The following ZC3H13 variants were observed in gnomAD, a reference collection of about 807,000 sequenced individuals.
The protein encoded by ZC3H13 is zinc finger CCCH-type containing 13.
In ZC3H13, 64 loss-of-function variants were observed where a neutral mutation model predicts 204.1. The observed-to-expected ratio is 0.31, with a 90% CI of 0.26 to 0.39. The LOEUF is 0.39. Among genes scored for constraint, ZC3H13 ranks in the 10% least tolerant of loss-of-function variants. The probability of loss-of-function intolerance (pLI) is 1.00; values close to 1 mark genes in which losing one functional copy is unlikely to be tolerated. For missense variants in ZC3H13, 1,833 were observed against 2,082.7 expected, an observed-to-expected ratio of 0.88 and a Z score of 2.33; for synonymous variants, 667 against 693.7, an observed-to-expected ratio of 0.96 and a Z score of 0.60.
intron 5 of ZC3H13, among the ~76,000 whole-genome samples, chr13:46,019,897 G>A (rs2042124247): frequency 6.6e-6 from 1 of 152,134 alleles, no homozygotes; most frequent in South Asian, 2.1e-4. Context: ...AGGCTAAGCT[G>A]CAGTGAGCCA....
intron 7 of ZC3H13, among the ~76,000 whole-genome samples, chr13:46,006,084 C>CAAA (rs71074745): frequency 6.9e-6 from 1 of 145,312 alleles, no homozygotes; most frequent in Non-Finnish European, 1.5e-5. Context: ...GACTCTGTCC[C>CAAA]AAAAAAAAAA....
At chr13:46,048,447 G>T (rs1356717833) in intron 1 of ZC3H13, among the ~76,000 whole-genome samples, 1 of 151,980 alleles carries the variant, frequency 6.6e-6, no homozygotes, top group Non-Finnish European at 1.5e-5. Flanking sequence ...CGGGCGTGGT[G>T]GCAGGCGCCT....
chr13:45,969,751 T>C lies in ZC3H13; in HGVS notation c.2793A>G (p.Arg931=). 6 of 1,613,938 alleles carry C rather than the reference T, an allele frequency of 3.7e-6. No homozygotes were observed. Among genetic ancestry groups the C allele is most frequent in the Non-Finnish European group, 5.1e-6 (6 of 1,180,024 alleles). ...GTCCTATAATGTCCTGTGCACGCAT[T>C]CTTGAGCTTTCCAGGATTTCTGTCT... is the stretch of plus-strand genomic sequence containing the variant. ...REQTEILESS[R]MRAQDIIGHH... is the part of the protein sequence containing the mutation. Residue 931 remains arginine (R), a synonymous_variant, in exon 14 of 19, where the codon AGA becomes AGG. Coordinates refer to ENST00000679008, the MANE Select transcript of ZC3H13 (RefSeq NM_001330564.2).
At chr13:45,970,059 C>T in intron 13 of ZC3H13, 88 bp from the exon 14 acceptor site, 7 of 1,472,498 alleles carry the variant, frequency 4.8e-6, no homozygotes, top group Non-Finnish European at 6.3e-6. Flanking sequence ...CTCCTCACAC[C>T]TGTAATCCCA....
intron 12 of ZC3H13, among the ~76,000 whole-genome samples, chr13:45,971,045 G>A (rs1264759174): frequency 6.6e-6 from 1 of 152,154 alleles, no homozygotes; most frequent in South Asian, 2.1e-4. Flanking sequence ...GAATAAATTA[G>A]TTATGTCATA....
At chr13:45,999,487 G>A (rs151196759) in intron 8 of ZC3H13, among the ~76,000 whole-genome samples, 2 of 152,204 alleles carry the variant, frequency 1.3e-5, no homozygotes, top group East Asian at 3.8e-4. Context: ...TCCATATGAT[G>A]CAACTCCTCA....
chr13:46,012,292 A>C (rs2041619441), intron 5 of ZC3H13, among the ~76,000 whole-genome samples: 1 of 152,064 alleles, frequency 6.6e-6, no homozygotes, highest in African/African-American at 2.4e-5. Context: ...AGTTGCTGGC[A>C]CTAGCACCCA....
intron 7 of ZC3H13, among the ~76,000 whole-genome samples, chr13:46,004,869 T>C (rs192177466): frequency 6.8e-4 from 103 of 152,286 alleles, no homozygotes; most frequent in African/African-American, 2.4e-3. Flanking sequence ...GGGGTACAAA[T>C]TTTGTTCTTT....
At chr13:45,959,263 G>A (rs894597869) in intron 18 of ZC3H13, among the ~76,000 whole-genome samples, 1 of 151,948 alleles carries the variant, frequency 6.6e-6, no homozygotes, top group African/African-American at 2.4e-5. Flanking sequence ...TAACAGAAAT[G>A]GAATATTTTA....
At chr13:45,973,311 C>T (rs1952741667) in intron 12 of ZC3H13, among the ~76,000 whole-genome samples, 1 of 152,166 alleles carries the variant, frequency 6.6e-6, no homozygotes, top group African/African-American at 2.4e-5. Context: ...AATTGAACTA[C>T]TGAGATGACA....
chr13:46,011,614 TAC>T (rs1373181856), intron 5 of ZC3H13, 60 bp from the exon 6 acceptor site: 38 of 1,366,488 alleles, frequency 2.8e-5, no homozygotes, highest in Non-Finnish European at 3.4e-5. Context: ...CCAAAAATCA[TAC>T]AGACTTTTTT....
At chr13:46,008,524 C>G (rs1328305597) in intron 7 of ZC3H13, among the ~76,000 whole-genome samples, 1 of 152,078 alleles carries the variant, frequency 6.6e-6, no homozygotes, top group African/African-American at 2.4e-5. Flanking sequence ...GGATGTGTTA[C>G]TAATAAAGAA....
chr13:46,007,794 C>T (rs1024179407), intron 7 of ZC3H13, among the ~76,000 whole-genome samples: 1 of 152,258 alleles, frequency 6.6e-6, no homozygotes, highest in South Asian at 2.1e-4. Flanking sequence ...CACCTGTTTA[C>T]TTTTATCAGT....
intron 4 of ZC3H13, among the ~76,000 whole-genome samples, chr13:46,036,439 G>C (rs940303943): frequency 3.9e-5 from 6 of 152,020 alleles, no homozygotes; most frequent in Admixed American, 6.6e-5. Context: ...CTAAACAAAT[G>C]ATCTGTTTGA....
At chr13:45,983,059 A>G in intron 10 of ZC3H13, among the ~76,000 whole-genome samples, 1 of 152,150 alleles carries the variant, frequency 6.6e-6, no homozygotes, top group East Asian at 1.9e-4. Flanking sequence ...TGACAGAACA[A>G]ACAGACTAAG....
chr13:46,051,013 TGAG>T (rs1338249134), intron 1 of ZC3H13, among the ~76,000 whole-genome samples: 2 of 151,992 alleles, frequency 1.3e-5, no homozygotes, highest in Non-Finnish European at 2.9e-5. Flanking sequence ...TTGGGAGAGA[TGAG>T]GAGGTGAGGA....
intron 17 of ZC3H13, among the ~76,000 whole-genome samples, chr13:45,961,317 TG>T: frequency 6.6e-6 from 1 of 152,178 alleles, no homozygotes; most frequent in East Asian, 1.9e-4. Context: ...TTCTGTTTAT[TG>T]GGATCCTTAT....
At chr13:46,031,132 G>C (rs931371449) in intron 4 of ZC3H13, among the ~76,000 whole-genome samples, 2 of 151,964 alleles carry the variant, frequency 1.3e-5, no homozygotes, top group Admixed American at 1.3e-4. Flanking sequence ...CACAAACATA[G>C]TCAACTGATT....
chr13:46,020,318 G>A, intron 5 of ZC3H13, 131 bp downstream of exon 5: 1 of 728,862 alleles, frequency 1.4e-6, no homozygotes, highest in Middle Eastern at 2.4e-4. Flanking sequence ...AATTCAGTAA[G>A]ATAGAAATAT....
Sources: gnomAD v4.1 joint callset for allele counts (sites outside exome capture counted in the v4.1 genomes callset) on GRCh38, gnomAD v4.1.1 for gene constraint, MANE v1.5 for transcripts, NCBI Gene and HGNC (gene_info 2026-07-23, HGNC 2026-07-21) for gene names.